PDE1A: variants seen among roughly 807,000 people sequenced by gnomAD.
The protein encoded by PDE1A is phosphodiesterase 1A, also known as dual specificity calcium/calmodulin-dependent 3',5'-cyclic nucleotide phosphodiesterase 1A.
In PDE1A, 35 loss-of-function variants were observed where a neutral mutation model predicts 61.7. The ratio of observed to expected loss-of-function variants is 0.57; its 90% CI spans 0.43 to 0.75. The LOEUF (loss-of-function observed/expected upper bound fraction) is 0.75, where lower values mean the gene tolerates loss of function less well. Ranked by LOEUF, PDE1A falls within the 30% of genes least tolerant of loss-of-function variation. The pLI is 0.00. For missense variants in PDE1A, 597 were observed against 630.6 expected (o/e 0.95, Z 0.57); for synonymous variants, 232 against 213.2 (o/e 1.09, Z -0.77).
chr2:182,532,432 G>A, the PDE1A span, among the ~76,000 whole-genome samples: 2 of 152,094 alleles, frequency 1.3e-5, no homozygotes, highest in African/African-American at 4.8e-5. Flanking sequence ...AGACACAAGA[G>A]ATCACATATT....
chr2:182,373,058 C>T (rs1242503614), intron 1 of PDE1A, among the ~76,000 whole-genome samples: 1 of 152,218 alleles, frequency 6.6e-6, no homozygotes, highest in African/African-American at 2.4e-5. Context: ...TGAGCAGTTT[C>T]ACGACCTCAC....
the PDE1A span, among the ~76,000 whole-genome samples, chr2:182,530,978 T>C: frequency 6.6e-6 from 1 of 152,086 alleles, no homozygotes; most frequent in Non-Finnish European, 1.5e-5. Context: ...TATAAAATTA[T>C]TATAAATGGG....
At chr2:182,379,687 G>A (rs13035314) in intron 1 of PDE1A, among the ~76,000 whole-genome samples, 1 of 152,148 alleles carries the variant, frequency 6.6e-6, no homozygotes, top group Non-Finnish European at 1.5e-5. Flanking sequence ...CCTCACTTCA[G>A]TATTCCATCT....
rs150861327 is a variant in PDE1A at position 182,495,885 on chromosome 2, T to C, written c.101+26391A>G. Among the ~76,000 whole-genome samples, 180 of 152,324 alleles carry C rather than the reference T, an allele frequency of 1.2e-3. 1 individual carries two copies. Among genetic ancestry groups the C allele is most frequent in the Non-Finnish European group, 2.0e-3 (137 of 68,028 alleles). Reference sequence around the variant, plus strand: ...ATAGTCCAATGTCAGTATAATTTCATGAAGTTATCTAATCTGGAGTGTCAA... The same window carrying C: ...ATAGTCCAATGTCAGTATAATTTCACGAAGTTATCTAATCTGGAGTGTCAA... On this transcript the variant is annotated intron_variant, in intron 2 of 14. Transcript: ENST00000410103.
intron 1 of PDE1A, among the ~76,000 whole-genome samples, chr2:182,335,391 A>G (rs1024614112): frequency 6.6e-6 from 1 of 152,226 alleles, no homozygotes; most frequent in Admixed American, 6.5e-5. Flanking sequence ...AGTAACCAAA[A>G]CAGCATGGTA....
intron 2 of PDE1A, among the ~76,000 whole-genome samples, chr2:182,520,182 A>G (rs1690478273): frequency 6.6e-6 from 1 of 151,936 alleles, no homozygotes. Context: ...CTCTGAATGC[A>G]AACTATACAA....
At chr2:182,274,210 T>C (rs1224244691) in intron 1 of PDE1A, among the ~76,000 whole-genome samples, 1 of 152,102 alleles carries the variant, frequency 6.6e-6, no homozygotes, top group Non-Finnish European at 1.5e-5. Flanking sequence ...TTTGAACCTA[T>C]GAATTTTGGG....
chr2:182,497,119 G>A (rs894003558), intron 2 of PDE1A, among the ~76,000 whole-genome samples: 1 of 151,968 alleles, frequency 6.6e-6, no homozygotes, highest in Non-Finnish European at 1.5e-5. Context: ...TTTAACCATG[G>A]CCAATTGAAT....
the PDE1A span, among the ~76,000 whole-genome samples, chr2:182,637,684 G>A: frequency 6.6e-6 from 1 of 152,170 alleles, no homozygotes; most frequent in Non-Finnish European, 1.5e-5. Context: ...CACTTTGGGA[G>A]GCTGAGGTGG....
At position 182,386,608 on chromosome 2, in the gene PDE1A, G is replaced by A. The variant is rs561074364; in HGVS notation, c.53+39970C>T. ...GAGAAGTGAGGAGCCCCTCCGCCCA[G>A]CAGCCGCCCCATCTGAGAAGCGAGG... is the stretch of plus-strand genomic sequence containing the variant. On this transcript the variant is annotated intron_variant, in intron 1 of 13. Transcript: ENST00000351439. 1.3e-4 allele frequency among the ~76,000 whole-genome samples: 20 copies of A among 149,362 alleles called. 1 individual carries two copies. In the East Asian group the frequency reaches 4.0e-3, roughly 30 times the overall value.
intron 1 of PDE1A, among the ~76,000 whole-genome samples, chr2:182,415,540 T>G (rs1336561377): frequency 2.0e-5 from 3 of 152,146 alleles, no homozygotes; most frequent in Non-Finnish European, 4.4e-5. Flanking sequence ...CTTTCTGCTG[T>G]CTAGGAAAAT....
At chr2:182,306,934 C>T (rs1039841731) in intron 1 of PDE1A, among the ~76,000 whole-genome samples, 2 of 152,106 alleles carry the variant, frequency 1.3e-5, no homozygotes, top group African/African-American at 4.8e-5. Flanking sequence ...GCAACAAAAG[C>T]AAAAGTAGAT....
intron 1 of PDE1A, among the ~76,000 whole-genome samples, chr2:182,385,679 G>GAAAGA (rs1701006096): frequency 6.5e-5 from 5 of 76,348 alleles, no homozygotes; most frequent in Non-Finnish European, 1.4e-4. Flanking sequence ...AGAAAGAAAA[G>GAAAGA]AAAGAAAGAA....
chr2:182,593,687 C>T, the PDE1A span, among the ~76,000 whole-genome samples: 1 of 152,178 alleles, frequency 6.6e-6, no homozygotes, highest in Non-Finnish European at 1.5e-5. Context: ...TTACATGTTA[C>T]ATGAAATAAA....
intron 2 of PDE1A, among the ~76,000 whole-genome samples, chr2:182,461,051 C>T (rs1686251875): frequency 6.6e-6 from 1 of 152,074 alleles, no homozygotes; most frequent in Non-Finnish European, 1.5e-5. Context: ...TACTAAAGTA[C>T]CCTATGAGTG....
chr2:182,551,277 GTCAA>G, the PDE1A span, among the ~76,000 whole-genome samples: 1 of 152,128 alleles, frequency 6.6e-6, no homozygotes, highest in Admixed American at 6.6e-5. Flanking sequence ...CTGTTGAAGA[GTCAA>G]TCAAAGGAAT....
At chr2:182,373,831 C>T (rs920626742) in intron 1 of PDE1A, among the ~76,000 whole-genome samples, 6 of 151,880 alleles carry the variant, frequency 4.0e-5, no homozygotes, top group African/African-American at 1.4e-4. Context: ...AGATATATGA[C>T]AAGAAAACAA....
At chr2:182,474,377 G>T (rs748743900) in intron 2 of PDE1A, among the ~76,000 whole-genome samples, 3 of 151,896 alleles carry the variant, frequency 2.0e-5, no homozygotes, top group Non-Finnish European at 4.4e-5. Context: ...AGGCTATTCA[G>T]CAGTGGAGAA....
intron 1 of PDE1A, among the ~76,000 whole-genome samples, chr2:182,345,221 G>C (rs535378921): frequency 2.0e-5 from 3 of 152,084 alleles, no homozygotes; most frequent in Non-Finnish European, 2.9e-5. Context: ...TGAATATGCT[G>C]ATAAATGACC....
Sources: allele counts gnomAD v4.1 joint callset (sites outside exome capture counted in the v4.1 genomes callset), GRCh38; gene constraint gnomAD v4.1.1; transcripts MANE v1.5; gene names NCBI Gene and HGNC (gene_info 2026-07-23, HGNC 2026-07-21).